MT3: variants seen among roughly 807,000 people sequenced by gnomAD.
MT3 encodes metallothionein-3.
In MT3, 8 loss-of-function variants were observed where a neutral mutation model predicts 10.9. That is an observed-to-expected ratio of 0.73 (90% CI 0.43 to 1.33). MT3 has a LOEUF of 1.33. Ranked by LOEUF, MT3 falls within the 40% of genes most tolerant of loss-of-function variation. The pLI is 0.01. For missense variants in MT3, 75 were observed against 83.9 expected (o/e 0.89, Z 0.41); for synonymous variants, 32 against 29.9 (o/e 1.07, Z -0.23).
In MT3 at chr16:56,589,879, G is replaced by C. The variant is rs1959800640; in HGVS notation, c.41G>C (p.Cys14Ser). The C allele has an allele frequency of 6.2e-7, 1 of 1,614,068 alleles. No homozygotes were observed. The highest frequency in any genetic ancestry group is 8.5e-7 in the Non-Finnish European group (1 of 1,180,004). ...GCGTCGCCCTCTCTAGGTGGCTCCT[G>C]CACCTGCGCGGACTCCTGCAAGTGC... ...ETCPCPSGGS[C>S]TCADSCKCEG... is the part of the protein sequence containing the mutation. Residue 14 changes from cysteine (C) to serine (S), a missense_variant, in exon 2 of 3, where the codon TGC (cysteine) becomes TCC (serine). Physicochemically the swap from Cys to Ser is moderately radical, Grantham distance 112. Coordinates refer to ENST00000200691, the MANE Select transcript of MT3 (RefSeq NM_005954.4).
intron 1 of MT3, 48 bp downstream of exon 1, chr16:56,589,669 C>T: frequency 1.2e-6 from 2 of 1,605,216 alleles, no homozygotes; most frequent in Non-Finnish European, 1.7e-6. Context: ...CGCCCTTGTA[C>T]CTGCAAAGAA....
At chr16:56,590,764 C>T (rs998073927) in intron 2 of MT3, 76 bp from the exon 3 acceptor site, 38 of 1,451,106 alleles carry the variant, frequency 2.6e-5, no homozygotes, top group Admixed American at 1.9e-5. Flanking sequence ...CCACCCAGCA[C>T]CCTTCCCTCC....
At chr16:56,590,336 T>G in intron 2 of MT3, 1 of 580,810 alleles carries the variant, frequency 1.7e-6, no homozygotes, top group Non-Finnish European at 3.1e-6. Flanking sequence ...GATCTCAAAA[T>G]CTCCCCAGCT....
At chr16:56,589,712 T>TG (rs759177971) in intron 1 of MT3, 91 bp downstream of exon 1, 2 of 1,595,870 alleles carry the variant, frequency 1.3e-6, no homozygotes, top group African/African-American at 2.7e-5. Context: ...CAAGGACACT[T>TG]GGGGGAAGGG....
chr16:56,589,838 A>C, intron 1 of MT3, 32 bp from the exon 2 acceptor site: 1 of 1,613,688 alleles, frequency 6.2e-7, no homozygotes, highest in Non-Finnish European at 8.5e-7. Flanking sequence ...GTTCGTCCAC[A>C]TTAACCCTTC....
intron 2 of MT3, chr16:56,590,321 A>G: frequency 3.4e-6 from 2 of 587,866 alleles, no homozygotes; most frequent in South Asian, 4.2e-5. Flanking sequence ...GGATCCTCTC[A>G]GTTTGATCTC....
At chr16:56,590,232 C>T (rs1959806599) in intron 2 of MT3, 2 of 608,182 alleles carry the variant, frequency 3.3e-6, no homozygotes, top group Admixed American at 5.5e-5. Flanking sequence ...TCAAAAACTC[C>T]CCAAAACCTG....
intron 2 of MT3, chr16:56,590,168 T>G: frequency 1.5e-6 from 1 of 671,046 alleles, no homozygotes; most frequent in Non-Finnish European, 2.7e-6. Flanking sequence ...AAGACTCCAA[T>G]GGCAGCTGGG....
Position 56,590,955 on chromosome 16 carries a change from C to T in MT3, c.*6C>T, listed in dbSNP as rs768028559. ...AGTGCAGCTGCTGCCAGTGAGAAGG[C>T]ACCCCTCCGTGTGGAGCACGTGGAG... On this transcript the variant is annotated 3_prime_UTR_variant, in exon 3 of 3. Transcript: ENST00000200691. 1 of 1,611,308 alleles carries T rather than the reference C, an allele frequency of 6.2e-7. No individual in the cohort carries two copies. Among genetic ancestry groups the T allele is most frequent in the Non-Finnish European group, 8.5e-7 (1 of 1,178,632 alleles).
At chr16:56,590,350 G>A (rs1474152446) in intron 2 of MT3, 1 of 576,572 alleles carries the variant, frequency 1.7e-6, no homozygotes. Flanking sequence ...CCCAGCTCAC[G>A]GCAGTGTAAT....
intron 2 of MT3, chr16:56,590,386 G>A (rs1959808809): frequency 3.9e-6 from 2 of 508,900 alleles, no homozygotes; most frequent in African/African-American, 1.9e-5. Flanking sequence ...GAGGTGGGAG[G>A]AAGGCTCCCT....
intron 2 of MT3, 145 bp from the exon 3 acceptor site, chr16:56,590,695 G>A (rs1959811471): frequency 1.4e-6 from 1 of 716,962 alleles, no homozygotes; most frequent in Middle Eastern, 2.5e-4. Flanking sequence ...AGTCAAAGCA[G>A]GTGTGAGACT....
At chr16:56,590,750 C>A in intron 2 of MT3, 90 bp from the exon 3 acceptor site, 1 of 1,300,710 alleles carries the variant, frequency 7.7e-7, no homozygotes, top group Non-Finnish European at 1.1e-6. Flanking sequence ...ACCAGGATGA[C>A]TCCCCACCCA....
intron 2 of MT3, chr16:56,590,472 C>A: frequency 2.3e-6 from 1 of 441,656 alleles, no homozygotes; most frequent in African/African-American, 2.0e-5. Context: ...ACATCTGCAC[C>A]ATATCTGCCC....
intron 2 of MT3, chr16:56,590,606 A>G: frequency 1.8e-6 from 1 of 557,180 alleles, no homozygotes; most frequent in Non-Finnish European, 3.2e-6. Flanking sequence ...CCTGGCATCC[A>G]CCCAAGGGGC....
At chr16:56,590,702 G>A in intron 2 of MT3, 138 bp from the exon 3 acceptor site, 2 of 769,664 alleles carry the variant, frequency 2.6e-6, no homozygotes. Flanking sequence ...GCAGGTGTGA[G>A]ACTAAGAAGG....
chr16:56,590,783 G>C (rs1597054212), intron 2 of MT3, 57 bp from the exon 3 acceptor site: 30 of 1,549,260 alleles, frequency 1.9e-5, no homozygotes, highest in South Asian at 3.5e-5. Flanking sequence ...CCCCTTTGAT[G>C]GGGACGAATT....
At chr16:56,590,006 G>C (rs559260218) in intron 2 of MT3, 71 bp downstream of exon 2, 1 of 1,508,224 alleles carries the variant, frequency 6.6e-7, no homozygotes, top group African/African-American at 1.4e-5. Flanking sequence ...CACCACGCAG[G>C]ATGTGGAGAG....
At position 56,589,981 on chromosome 16, in the gene MT3, G is replaced by A. The variant is rs748744672; in HGVS notation, c.97+46G>A. Reference sequence around the variant, plus strand: ...CCTCTGCCGCCGCCCCCTCTGCTCTGCGGAGTCGGTGTCTCACCACGCAGG... The same window carrying A: ...CCTCTGCCGCCGCCCCCTCTGCTCTACGGAGTCGGTGTCTCACCACGCAGG... On this transcript the variant is annotated intron_variant, in intron 2 of 2. Transcript: ENST00000200691. 5.6e-6 allele frequency: 9 copies of A among 1,602,700 alleles called. No homozygotes were observed. The Admixed American group carries it at 1.0e-4, about 18-fold the overall frequency.
Sources: gnomAD v4.1 joint callset for allele counts on GRCh38, gnomAD v4.1.1 for gene constraint, MANE v1.5 for transcripts, NCBI Gene and HGNC (gene_info 2026-07-23, HGNC 2026-07-21) for gene names.